Variants in PPP1R12B observed in about 807,000 individuals in gnomAD.
PPP1R12B encodes the protein myosin phosphatase target subunit 2.
A neutral mutation model predicts 126.1 loss-of-function variants in PPP1R12B; 76 were observed. That is an observed-to-expected ratio of 0.60 (90% CI 0.50 to 0.73). The LOEUF is 0.73. Among genes scored for constraint, PPP1R12B ranks in the 30% least tolerant of loss-of-function variants. The pLI, the probability that PPP1R12B is intolerant of heterozygous loss-of-function variation, is 0.00. For synonymous variants in PPP1R12B, 356 were observed against 434.7 expected (o/e 0.82, Z 2.25); for missense variants, 1,052 against 1,205.1 (o/e 0.87, Z 1.88).
rs547275281 is a variant in PPP1R12B, at chr1:202,533,115, C to T, written c.2491-25762C>T. Among the ~76,000 whole-genome samples the T allele has an allele frequency of 9.9e-4, 151 of 151,980 alleles. 1 individual carries two copies. Among genetic ancestry groups the T allele is most frequent in the Non-Finnish European group, 1.7e-3 (117 of 67,942 alleles). On this transcript the variant is annotated intron_variant, in intron 18 of 23. Coordinates refer to ENST00000608999, the MANE Select transcript of PPP1R12B (RefSeq NM_002481.4). ...AACTCCCGACCTCAGGTGATCTGCCCGCCTCAGCCTCCCAAAGTGCTGGGA... is the reference window on the plus strand; with the variant it reads ...AACTCCCGACCTCAGGTGATCTGCCTGCCTCAGCCTCCCAAAGTGCTGGGA...
intron 18 of PPP1R12B, among the ~76,000 whole-genome samples, chr1:202,518,095 A>T (rs1482718992): frequency 6.6e-6 from 1 of 152,204 alleles, no homozygotes; most frequent in African/African-American, 2.4e-5. Flanking sequence ...TCCCAAATTG[A>T]CCCAGAATAG....
At chr1:202,437,795 A>C (rs1218311876) in intron 9 of PPP1R12B, 26 bp from the exon 10 acceptor site, 1 of 1,564,508 alleles carries the variant, frequency 6.4e-7, no homozygotes, top group Non-Finnish European at 8.7e-7. Context: ...TTTATTTTTC[A>C]TTTCTTTTAT....
intron 18 of PPP1R12B, among the ~76,000 whole-genome samples, chr1:202,516,703 A>G (rs1682187532): frequency 6.6e-6 from 1 of 152,134 alleles, no homozygotes; most frequent in Non-Finnish European, 1.5e-5. Context: ...ACATTGTGGT[A>G]CCTGATTCCA....
intron 1 of PPP1R12B, among the ~76,000 whole-genome samples, chr1:202,395,165 T>TAGTA (rs1009233927): frequency 1.4e-5 from 2 of 147,266 alleles, no homozygotes; most frequent in African/African-American, 5.0e-5. Context: ...AAAAAAGCTA[T>TAGTA]AGTATACCTG....
rs1366746864 is a variant in PPP1R12B, at chr1:202,587,220, C to T, written c.*6660C>T. 6 of 152,316 alleles carry T rather than the reference C, an allele frequency of 3.9e-5. No homozygotes were observed. In the East Asian group the frequency reaches 7.7e-4, roughly 20 times the overall value. 9.4% of individuals were successfully genotyped at this position (152,316 alleles called of 1,614,324 possible). On this transcript the variant is annotated 3_prime_UTR_variant, in exon 24 of 24. Coordinates refer to ENST00000608999, the MANE Select transcript of PPP1R12B (RefSeq NM_002481.4). ...CCTTCCAGAATAAGCATACACTTCA[C>T]TCCTCTCCCTTTCATCTCCCTCTGC...
At chr1:202,576,488 C>CCTG (rs1689104206) in intron 23 of PPP1R12B, 1 of 152,190 alleles carries the variant, frequency 6.6e-6, no homozygotes, top group African/African-American at 2.4e-5. Context: ...GAGCTAATAT[C>CCTG]CTGCTGTAGA....
chr1:202,469,805 A>C (rs1434311552), intron 13 of PPP1R12B, among the ~76,000 whole-genome samples: 1 of 152,190 alleles, frequency 6.6e-6, no homozygotes, highest in Admixed American at 6.5e-5. Flanking sequence ...AGATAAATCT[A>C]ATTTAGGTCT....
At chr1:202,449,497 C>T (rs1368019644) in intron 13 of PPP1R12B, among the ~76,000 whole-genome samples, 4 of 151,696 alleles carry the variant, frequency 2.6e-5, no homozygotes, top group Non-Finnish European at 4.4e-5. Flanking sequence ...AGGATGGTCT[C>T]GATCTCCTGA....
chr1:202,489,413 G>A (rs1362843366), intron 14 of PPP1R12B, among the ~76,000 whole-genome samples: 1 of 152,124 alleles, frequency 6.6e-6, no homozygotes, highest in Non-Finnish European at 1.5e-5. Context: ...TTGTATATAG[G>A]TGTTTGTAAT....
At chr1:202,397,613 A>G (rs1159214362) in intron 1 of PPP1R12B, among the ~76,000 whole-genome samples, 1 of 152,228 alleles carries the variant, frequency 6.6e-6, no homozygotes, top group Non-Finnish European at 1.5e-5. Context: ...TTTTTGGAAG[A>G]AAGGATGGCA....
rs1257328606 is a variant in PPP1R12B at position 202,585,968 on chromosome 1, T to C, written c.*5408T>C. On this transcript the variant is annotated 3_prime_UTR_variant, in exon 24 of 24. Coordinates refer to ENST00000608999, the MANE Select transcript of PPP1R12B (RefSeq NM_002481.4). The stretch of plus-strand genomic sequence containing the variant: ...GGCTCTTCACACCCAAATAGCAGAC[T>C]AATCGTTTTTCTGCTTAGCACCGTC... 6.6e-6 allele frequency: 1 copy of C among 152,230 alleles called. No homozygotes were observed. The highest frequency in any genetic ancestry group is 1.9e-4 in the East Asian group (1 of 5,200). 9.4% of individuals were successfully genotyped at this position (152,230 alleles called of 1,614,324 possible).
At chr1:202,566,298 C>A (rs1006869110) in intron 21 of PPP1R12B, among the ~76,000 whole-genome samples, 2 of 152,192 alleles carry the variant, frequency 1.3e-5, no homozygotes, top group Admixed American at 1.3e-4. Context: ...CACTGCTTTG[C>A]TGGGTGTGTC....
intron 18 of PPP1R12B, among the ~76,000 whole-genome samples, chr1:202,538,547 GA>G (rs931809871): frequency 2.0e-5 from 3 of 152,346 alleles, no homozygotes; most frequent in East Asian, 1.9e-4. Flanking sequence ...AGTTAGAAAA[GA>G]ATAGCATATT....
chr1:202,539,034 T>G (rs1041446820), intron 18 of PPP1R12B, among the ~76,000 whole-genome samples: 1 of 152,228 alleles, frequency 6.6e-6, no homozygotes, highest in African/African-American at 2.4e-5. Context: ...GAGCCAGAGC[T>G]TCAGTTTGCT....
At chr1:202,359,344 G>A (rs1486578114) in intron 1 of PPP1R12B, among the ~76,000 whole-genome samples, 1 of 151,854 alleles carries the variant, frequency 6.6e-6, no homozygotes, top group Admixed American at 6.6e-5. Flanking sequence ...GGCCAGGCTG[G>A]TCTCAAATGA....
At chr1:202,466,402 C>A (rs1375351716) in intron 13 of PPP1R12B, among the ~76,000 whole-genome samples, 1 of 151,886 alleles carries the variant, frequency 6.6e-6, no homozygotes, top group Non-Finnish European at 1.5e-5. Context: ...TGATATTATT[C>A]TTTCCTGGCT....
chr1:202,562,286 C>T (rs1244224226), intron 19 of PPP1R12B, among the ~76,000 whole-genome samples: 1 of 152,162 alleles, frequency 6.6e-6, no homozygotes, highest in African/African-American at 2.4e-5. Flanking sequence ...TTCCAGCAAA[C>T]CTGTAGAGCA....
In PPP1R12B at chr1:202,504,364, G is replaced by T. The variant is rs181610029; in HGVS notation, c.2490+7542G>T. 2.8e-3 allele frequency among the ~76,000 whole-genome samples: 426 copies of T among 152,224 alleles called. 6 individuals are homozygous for T. The highest frequency in any genetic ancestry group is 0.01 in the Middle Eastern group (3 of 294). On this transcript the variant is annotated intron_variant, in intron 18 of 23. Coordinates refer to ENST00000608999, the MANE Select transcript of PPP1R12B (RefSeq NM_002481.4). ...GCCAAGATCGCACCACTGCACATCA[G>T]TCTGGGCAACAGAGCGAGACCCTGT...
At chr1:202,441,998 C>T (rs1671691181) in intron 11 of PPP1R12B, among the ~76,000 whole-genome samples, 1 of 151,900 alleles carries the variant, frequency 6.6e-6, no homozygotes, top group African/African-American at 2.4e-5. Context: ...AGGCATGTGC[C>T]ACCATGCCTG....
Sources: allele counts gnomAD v4.1 joint callset (sites outside exome capture counted in the v4.1 genomes callset), GRCh38; gene constraint gnomAD v4.1.1; transcripts MANE v1.5; gene names NCBI Gene and HGNC (gene_info 2026-07-23, HGNC 2026-07-21).